Variants in PARD3 observed in about 807,000 individuals in gnomAD.
PARD3 encodes partitioning defective 3 homolog.
PARD3 carries 75 observed loss-of-function variants against 155.4 expected under a neutral mutation model. That is an observed-to-expected ratio of 0.48 (90% confidence interval 0.40 to 0.58). The LOEUF is 0.58. PARD3 is among the 20% of genes least tolerant of loss of function. The probability of loss-of-function intolerance (pLI) is 0.00; values close to 1 mark genes in which losing one functional copy is unlikely to be tolerated. For missense variants in PARD3, 1,642 were observed against 1,721.7 expected, an observed-to-expected ratio of 0.95 and a Z score of 0.82; for synonymous variants, 576 against 610.5, an observed-to-expected ratio of 0.94 and a Z score of 0.83.
chr10:34,772,585 A>T (rs1481095611), intron 1 of PARD3, among the ~76,000 whole-genome samples: 1 of 151,890 alleles, frequency 6.6e-6, no homozygotes. Context: ...TGAGCTCAGG[A>T]GTTCGAGACC....
intron 22 of PARD3, among the ~76,000 whole-genome samples, chr10:34,222,040 T>C (rs994991436): frequency 2.0e-5 from 3 of 152,246 alleles, no homozygotes; most frequent in African/African-American, 7.2e-5. Context: ...TAAAAACCTC[T>C]AGCATTGCAC....
intron 22 of PARD3, among the ~76,000 whole-genome samples, chr10:34,172,392 A>G (rs1949836960): frequency 6.6e-6 from 1 of 152,202 alleles, no homozygotes; most frequent in Non-Finnish European, 1.5e-5. Context: ...ATCTGTAGAG[A>G]TTAAACACCC....
chr10:34,322,750 T>C (rs1254864288), intron 19 of PARD3, among the ~76,000 whole-genome samples: 1 of 152,194 alleles, frequency 6.6e-6, no homozygotes, highest in Non-Finnish European at 1.5e-5. Context: ...CATTAAATAC[T>C]CACTGAGCAA....
intron 7 of PARD3, among the ~76,000 whole-genome samples, chr10:34,394,189 C>A (rs2132116941): frequency 6.6e-6 from 1 of 152,114 alleles, no homozygotes. Flanking sequence ...CCACACCTGG[C>A]TAATGTTTGT....
chr10:34,169,404 G>C (rs983504872), intron 22 of PARD3, among the ~76,000 whole-genome samples: 1 of 152,152 alleles, frequency 6.6e-6, no homozygotes, highest in African/African-American at 2.4e-5. Flanking sequence ...TGGATATTCT[G>C]GTGATAAACT....
chr10:34,384,014 T>A, intron 8 of PARD3, 115 bp downstream of exon 8: 1 of 997,342 alleles, frequency 1.0e-6, no homozygotes, highest in Non-Finnish European at 1.5e-6. Context: ...TGGCAGAAAA[T>A]ATTCCTCTCC....
chr10:34,641,192 T>C (rs1564450499), intron 2 of PARD3, among the ~76,000 whole-genome samples: 1 of 152,204 alleles, frequency 6.6e-6, no homozygotes, highest in Non-Finnish European at 1.5e-5. Flanking sequence ...GAACACACTT[T>C]ATTTTATAAT....
intron 2 of PARD3, among the ~76,000 whole-genome samples, chr10:34,653,291 T>C (rs2093069440): frequency 6.6e-6 from 1 of 152,206 alleles, no homozygotes; most frequent in African/African-American, 2.4e-5. Context: ...CAACATGTGA[T>C]GTCCTTCTAG....
chr10:34,138,551 G>A (rs1948019108), intron 22 of PARD3, among the ~76,000 whole-genome samples: 1 of 152,122 alleles, frequency 6.6e-6, no homozygotes. Context: ...TCTCTTTCTG[G>A]CAGAGATTGA....
intron 7 of PARD3, among the ~76,000 whole-genome samples, chr10:34,396,916 T>C (rs1843404189): frequency 6.6e-6 from 1 of 152,144 alleles, no homozygotes; most frequent in Admixed American, 6.5e-5. Context: ...AACAAGCCAT[T>C]TTCAGTTGCC....
intron 2 of PARD3, among the ~76,000 whole-genome samples, chr10:34,666,816 TACACACACACAC>T (rs1554804682): frequency 1.7e-4 from 15 of 88,806 alleles, no homozygotes; most frequent in African/African-American, 6.6e-4. Flanking sequence ...TATATATATA[TACACACACACAC>T]ACACACACAA....
At chr10:34,695,956 C>T (rs2496742) in intron 2 of PARD3, among the ~76,000 whole-genome samples, 89,590 of 152,064 alleles carry the variant, frequency 0.59, 27,766 homozygotes, top group Non-Finnish European at 0.67. Context: ...AGAATGGCTG[C>T]ATGTTGTATA....
intron 1 of PARD3, among the ~76,000 whole-genome samples, chr10:34,737,449 T>C (rs1344275644): frequency 2.0e-5 from 3 of 152,204 alleles, no homozygotes. Context: ...CCCAACACTA[T>C]GGAGCCGATT....
At chr10:34,695,603 T>C (rs1440175665) in intron 2 of PARD3, among the ~76,000 whole-genome samples, 1 of 150,240 alleles carries the variant, frequency 6.7e-6, no homozygotes, top group Non-Finnish European at 1.5e-5. Flanking sequence ...CTCTCAAGAG[T>C]ACAGAAAAAA....
intron 3 of PARD3, among the ~76,000 whole-genome samples, chr10:34,493,152 A>G (rs1469668746): frequency 6.6e-6 from 1 of 152,230 alleles, no homozygotes; most frequent in African/African-American, 2.4e-5. Flanking sequence ...GCATTTGTGC[A>G]TATTTCCCTC....
intron 1 of PARD3, among the ~76,000 whole-genome samples, chr10:34,714,904 A>G (rs1165959323): frequency 6.6e-6 from 1 of 151,006 alleles, no homozygotes; most frequent in Non-Finnish European, 1.5e-5. Context: ...CCTCCCGAAT[A>G]GCTGGGACTA....
intron 2 of PARD3, among the ~76,000 whole-genome samples, chr10:34,605,180 A>ATTTTTTTTTTTTTTTTTT (rs750688603): frequency 8.0e-5 from 5 of 62,482 alleles, no homozygotes; most frequent in African/African-American, 2.8e-4. Flanking sequence ...CCAAAATGAA[A>ATTTTTTTTTTTTTTTTTT]TTTTTTTTTT....
At chr10:34,357,349 C>T (rs1838993346) in intron 14 of PARD3, among the ~76,000 whole-genome samples, 1 of 152,082 alleles carries the variant, frequency 6.6e-6, no homozygotes, top group Non-Finnish European at 1.5e-5. Flanking sequence ...GAATGCATGC[C>T]ATCTGTCTTA....
rs115505754 is a variant in PARD3 at position 34,114,924 on chromosome 10, T to C, written c.3669-3362A>G. 6.8e-3 allele frequency among the ~76,000 whole-genome samples: 1,030 copies of C among 152,354 alleles called. 10 individuals are homozygous for C. The highest frequency in any genetic ancestry group is 0.021 in the African/African-American group (879 of 41,576). On this transcript the variant is annotated intron_variant, in intron 24 of 24. Coordinates refer to ENST00000374788, the MANE Select transcript of PARD3 (RefSeq NM_001184785.2). Reference sequence around the variant, plus strand: ...ATTGTTTGGTCCTGCAGTGAGCCCCTGGACATTGCTAAATCCACTCAAAGC... The same window carrying C: ...ATTGTTTGGTCCTGCAGTGAGCCCCCGGACATTGCTAAATCCACTCAAAGC...
Sources: gnomAD v4.1 joint callset for allele counts (sites outside exome capture counted in the v4.1 genomes callset) on GRCh38, gnomAD v4.1.1 for gene constraint, MANE v1.5 for transcripts, NCBI Gene and HGNC (gene_info 2026-07-23, HGNC 2026-07-21) for gene names.